The following GNAL variants were observed in gnomAD, a reference collection of about 807,000 sequenced individuals.
The protein encoded by GNAL is guanine nucleotide-binding protein G(olf) subunit alpha.
In GNAL, 18 loss-of-function variants were observed where a neutral mutation model predicts 55.1. That is an observed-to-expected ratio of 0.33 (90% CI 0.23 to 0.48). The LOEUF (loss-of-function observed/expected upper bound fraction) is 0.48. GNAL is among the 20% of genes least tolerant of loss of function. The probability of loss-of-function intolerance (pLI) is 0.99; values close to 1 mark genes in which losing one functional copy is unlikely to be tolerated. For synonymous variants in GNAL, 253 were observed against 237.0 expected, an observed-to-expected ratio of 1.07 and a Z score of -0.62; for missense variants, 412 against 614.1, an observed-to-expected ratio of 0.67 and a Z score of 3.48.
In GNAL at chr18:11,806,946, C is replaced by T. The variant is rs146711372; in HGVS notation, c.625-17972C>T. 3.2e-3 allele frequency among the ~76,000 whole-genome samples: 489 copies of T among 152,074 alleles called. 2 individuals carry two copies. The highest frequency in any genetic ancestry group is 7.4e-3 in the Admixed American group (113 of 15,270). ...CCTCCCACAGTGCTGGTATTACAGG[C>T]GTGAGTCATCACAACTGGCCTGGCC... On this transcript the variant is annotated intron_variant, in intron 4 of 11. Transcript: ENST00000334049.
chr18:11,846,548 G>T lies in GNAL; in HGVS notation c.723-15847G>T, dbSNP rs1252346962. Among the ~76,000 whole-genome samples, 4 of 150,916 alleles carry T rather than the reference G, an allele frequency of 2.7e-5. No individual in the cohort carries two copies. In the East Asian group the frequency reaches 7.7e-4, roughly 29 times the overall value. On this transcript the variant is annotated intron_variant, in intron 5 of 11. Coordinates refer to ENST00000334049, the MANE Select transcript of GNAL (RefSeq NM_182978.4). ...AGTGGCATGATTATAGCTCATTGTA[G>T]TCTCGAACTCCTGGACACAGAGATC...
intron 1 of GNAL, among the ~76,000 whole-genome samples, chr18:11,725,540 G>A (rs771260631): frequency 2.0e-5 from 3 of 152,192 alleles, no homozygotes; most frequent in African/African-American, 7.2e-5. Context: ...ATGTTGTATT[G>A]TTGGAATCAT....
intron 5 of GNAL, chr18:11,833,356 A>G (rs1448476477): frequency 6.6e-6 from 1 of 152,190 alleles, no homozygotes; most frequent in African/African-American, 2.4e-5. Flanking sequence ...TAGAGCTGCA[A>G]AATTGGAAAT....
At chr18:11,812,941 C>T (rs2034856512) in intron 4 of GNAL, among the ~76,000 whole-genome samples, 1 of 151,790 alleles carries the variant, frequency 6.6e-6, no homozygotes, top group African/African-American at 2.4e-5. Flanking sequence ...AACTACAAAA[C>T]ATTATTGAGA....
At chr18:11,717,420 C>G (rs1023165118) in intron 1 of GNAL, among the ~76,000 whole-genome samples, 1 of 152,222 alleles carries the variant, frequency 6.6e-6, no homozygotes, top group African/African-American at 2.4e-5. Flanking sequence ...GAGGAGGCCC[C>G]GAGAGCGAGT....
chr18:11,768,968 AT>A lies in GNAL; in HGVS notation c.624+15025del, dbSNP rs1340475074. Among the ~76,000 whole-genome samples, 44 of 81,780 alleles carry A rather than the reference AT, an allele frequency of 5.4e-4. 1 individual carries two copies. Among genetic ancestry groups the A allele is most frequent in the African/African-American group, 2.5e-3 (42 of 16,878 alleles). 53.7% of individuals were successfully genotyped at this position (81,780 alleles called of 152,430 possible). A position where few individuals can be genotyped will look rare whatever the true frequency, so the allele number is the denominator to read the frequency against. ...TATTACTATATGTTATATATAATATATTATATATATTATATATTCTATATTA... is the reference window on the plus strand; with the variant it reads ...TATTACTATATGTTATATATAATATATATATATATTATATATTCTATATTA... On this transcript the variant is annotated intron_variant, in intron 4 of 11. Transcript: ENST00000334049.
chr18:11,704,849 A>G (rs1392024899), intron 1 of GNAL, among the ~76,000 whole-genome samples: 1 of 152,066 alleles, frequency 6.6e-6, no homozygotes, highest in Non-Finnish European at 1.5e-5. Flanking sequence ...GCACATATTT[A>G]AAGTGTGCAG....
intron 1 of GNAL, among the ~76,000 whole-genome samples, chr18:11,735,806 A>AAAGG (rs368504075): frequency 0.085 from 12,745 of 149,638 alleles, 964 homozygotes; most frequent in African/African-American, 0.2. Context: ...GGAAGGAAGG[A>AAAGG]AAGGAAGGAA....
rs2032849862 is a variant in GNAL at position 11,751,903 on chromosome 18, C to T, written c.377-950C>T. ...GGCTGAGGAATAGCAGGGCGCGAGCCGGCCCGGCAGGTGCCCATCGTCGCC... is the reference window on the plus strand; with the variant it reads ...GGCTGAGGAATAGCAGGGCGCGAGCTGGCCCGGCAGGTGCCCATCGTCGCC... On this transcript the variant is annotated intron_variant, in intron 1 of 11. Coordinates refer to ENST00000334049, the MANE Select transcript of GNAL (RefSeq NM_182978.4). The surrounding 1 kb of genome is among the most constrained non-coding windows in gnomAD (Gnocchi z 4.5). Among the ~76,000 whole-genome samples the T allele has an allele frequency of 6.6e-6, 1 of 152,208 alleles. No individual in the cohort carries two copies. Among genetic ancestry groups the T allele is most frequent in the African/African-American group, 2.4e-5 (1 of 41,466 alleles).
chr18:11,692,473 A>G (rs2031280304), intron 1 of GNAL, among the ~76,000 whole-genome samples: 1 of 152,234 alleles, frequency 6.6e-6, no homozygotes, highest in Non-Finnish European at 1.5e-5. Context: ...CGCAGAGCAC[A>G]CGTTTCCAGA....
chr18:11,819,790 A>G (rs1283936131), intron 4 of GNAL, among the ~76,000 whole-genome samples: 1 of 152,120 alleles, frequency 6.6e-6, no homozygotes, highest in East Asian at 1.9e-4. Flanking sequence ...ATTATTCTTC[A>G]TATTAATTTC....
At chr18:11,788,914 A>AAAAAAAAAAATATATATAT (rs60071996) in intron 4 of GNAL, among the ~76,000 whole-genome samples, 1 of 56,302 alleles carries the variant, frequency 1.8e-5, no homozygotes, top group African/African-American at 1.0e-4. Context: ...AAAAAAAAAA[A>AAAAAAAAAAATATATATAT]ATATATATAT....
chr18:11,874,941 C>T (rs1220230704), intron 10 of GNAL, among the ~76,000 whole-genome samples: 1 of 152,020 alleles, frequency 6.6e-6, no homozygotes, highest in South Asian at 2.1e-4. Context: ...ACACACCCTG[C>T]AACAGAGAAG....
intron 11 of GNAL, among the ~76,000 whole-genome samples, chr18:11,877,329 C>T (rs1279662613): frequency 6.6e-6 from 1 of 152,148 alleles, no homozygotes; most frequent in East Asian, 1.9e-4. Flanking sequence ...GTGGCATGCG[C>T]CTGTAATCCC....
intron 11 of GNAL, among the ~76,000 whole-genome samples, chr18:11,877,433 C>T (rs2036558687): frequency 6.6e-6 from 1 of 152,168 alleles, no homozygotes; most frequent in Admixed American, 6.5e-5. Context: ...CCAGCCTGGC[C>T]GACAGAGCGA....
intron 5 of GNAL, among the ~76,000 whole-genome samples, chr18:11,861,700 T>C (rs897757472): frequency 3.3e-5 from 5 of 151,726 alleles, no homozygotes; most frequent in African/African-American, 1.2e-4. Flanking sequence ...CTCGGAAGGG[T>C]CATCACCCAA....
At chr18:11,712,037 G>A (rs2031850852) in intron 1 of GNAL, among the ~76,000 whole-genome samples, 1 of 152,226 alleles carries the variant, frequency 6.6e-6, no homozygotes, top group Non-Finnish European at 1.5e-5. Context: ...CCATAGGCCA[G>A]GGTGCCCCAC....
intron 5 of GNAL, among the ~76,000 whole-genome samples, chr18:11,831,155 T>C (rs778663906): frequency 2.0e-5 from 3 of 151,776 alleles, no homozygotes; most frequent in Non-Finnish European, 2.9e-5. Context: ...GTTATGTAAA[T>C]TATATCTTGA....
At chr18:11,719,987 G>A (rs947471706) in intron 1 of GNAL, among the ~76,000 whole-genome samples, 2 of 152,194 alleles carry the variant, frequency 1.3e-5, no homozygotes, top group Non-Finnish European at 2.9e-5. Flanking sequence ...CCACAGCAGG[G>A]CTCCTCAACC....
Sources: allele counts gnomAD v4.1 joint callset (sites outside exome capture counted in the v4.1 genomes callset), GRCh38; gene constraint gnomAD v4.1.1; non-coding constraint Gnocchi (gnomAD v3.1); transcripts MANE v1.5; gene names NCBI Gene and HGNC (gene_info 2026-07-23, HGNC 2026-07-21).